Variants in NOS1AP observed in about 807,000 individuals in gnomAD.
NOS1AP encodes nitric oxide synthase 1 adaptor protein.
NOS1AP carries 21 observed loss-of-function variants against 56.2 expected under a neutral mutation model. The observed-to-expected ratio is 0.37, with a 90% CI of 0.26 to 0.54. The LOEUF (loss-of-function observed/expected upper bound fraction) is 0.54, where lower values mean the gene tolerates loss of function less well. Ranked by LOEUF, NOS1AP falls within the 20% of genes least tolerant of loss-of-function variation. The pLI is 0.84. For synonymous variants in NOS1AP, 270 were observed against 274.6 expected, an observed-to-expected ratio of 0.98 and a Z score of 0.17; for missense variants, 522 against 657.8, an observed-to-expected ratio of 0.79 and a Z score of 2.26.
At chr1:162,352,880 G>T (rs190309790) in intron 6 of NOS1AP, among the ~76,000 whole-genome samples, 2 of 152,132 alleles carry the variant, frequency 1.3e-5, no homozygotes, top group Non-Finnish European at 2.9e-5. Context: ...ATCCCTACTT[G>T]ACTGTTACAC....
intron 8 of NOS1AP, chr1:162,365,200 T>C: frequency 2.8e-6 from 4 of 1,447,738 alleles, no homozygotes; most frequent in Non-Finnish European, 3.6e-6. Context: ...GACACACAGC[T>C]TCGCAGTGCC....
At chr1:162,143,498 AT>A (rs1310457505) in intron 1 of NOS1AP, among the ~76,000 whole-genome samples, 21 of 152,260 alleles carry the variant, frequency 1.4e-4, no homozygotes, top group African/African-American at 4.6e-4. Flanking sequence ...GCATTATCTA[AT>A]TTTGATTTGC....
intron 7 of NOS1AP, among the ~76,000 whole-genome samples, chr1:162,356,438 G>C (rs1404410412): frequency 6.6e-6 from 1 of 152,180 alleles, no homozygotes; most frequent in African/African-American, 2.4e-5. Flanking sequence ...AGGGCAGGAG[G>C]TAGCCCCCTC....
At chr1:162,109,783 G>A (rs1180242592) in intron 1 of NOS1AP, among the ~76,000 whole-genome samples, 1 of 151,876 alleles carries the variant, frequency 6.6e-6, no homozygotes. Context: ...CTGGGTATCT[G>A]CAATTCATTC....
chr1:162,121,498 G>T (rs1648232408), intron 1 of NOS1AP, among the ~76,000 whole-genome samples: 1 of 152,114 alleles, frequency 6.6e-6, no homozygotes, highest in Non-Finnish European at 1.5e-5. Flanking sequence ...AAATGTCACA[G>T]CTGGTAGTGA....
intron 3 of NOS1AP, among the ~76,000 whole-genome samples, chr1:162,291,872 A>G (rs4657183): frequency 0.03 from 4,502 of 152,304 alleles, 107 homozygotes; most frequent in Non-Finnish European, 0.043. Flanking sequence ...TTCCATGTAT[A>G]TGTAATGATT....
chr1:162,135,744 C>T (rs948859528), intron 1 of NOS1AP, among the ~76,000 whole-genome samples: 1 of 152,164 alleles, frequency 6.6e-6, no homozygotes, highest in African/African-American at 2.4e-5. Context: ...AAGAGGCTGA[C>T]TTACTTTTGG....
At chr1:162,243,812 C>T (rs1653574727) in intron 2 of NOS1AP, among the ~76,000 whole-genome samples, 1 of 151,996 alleles carries the variant, frequency 6.6e-6, no homozygotes, top group African/African-American at 2.4e-5. Context: ...GACCATTTTT[C>T]AACCTCATTT....
rs77243595 is a variant in NOS1AP at position 162,211,580 on chromosome 1, T to C, written c.177+57104T>C. Among the ~76,000 whole-genome samples, 425 of 152,310 alleles carry C rather than the reference T, an allele frequency of 2.8e-3. 2 individuals are homozygous for C. Among genetic ancestry groups the C allele is most frequent in the African/African-American group, 9.8e-3 (408 of 41,558 alleles). On this transcript the variant is annotated intron_variant, in intron 2 of 9. Transcript: ENST00000361897. ...CACTTATTTATTGATGTTTCTTTTT[T>C]CAACTTCAGAAGCAATAACTCACCT...
intron 1 of NOS1AP, among the ~76,000 whole-genome samples, chr1:162,123,495 C>A (rs1250787566): frequency 6.6e-6 from 1 of 152,180 alleles, no homozygotes; most frequent in African/African-American, 2.4e-5. Context: ...TACCTGTGTC[C>A]TCTTTCACCC....
chr1:162,207,610 G>A lies in NOS1AP; in HGVS notation c.177+53134G>A, dbSNP rs558382302. On this transcript the variant is annotated intron_variant, in intron 2 of 9. Coordinates refer to ENST00000361897, the MANE Select transcript of NOS1AP (RefSeq NM_014697.3). ...GTTGTTAAGCAAACAATCTGGCAGG[G>A]AGCAAATGTTCATTAAATAGTAGTT... 1.1e-3 allele frequency among the ~76,000 whole-genome samples: 168 copies of A among 152,336 alleles called. 2 individuals are homozygous for A. The Middle Eastern group carries it at 0.02, about 19-fold the overall frequency.
rs1252053620 is a variant in NOS1AP, at chr1:162,343,940, G to A, written c.559G>A (p.Glu187Lys). Reference protein sequence around the residue: ...QQNADGQEDGESERNSNSSGD... With the variant: ...QQNADGQEDGKSERNSNSSGD... ...GAATGCAGATGGCCAGGAAGATGGA[G>A]AGAGCGAGAGGAACAGCAACAGCTC... The change falls in exon 6 of 10, where the codon GAG becomes AAG. Residue 187 changes from glutamate (E) to lysine (K), a missense_variant. By Grantham distance (56) the Glu-to-Lys change is moderately conservative. Coordinates refer to ENST00000361897, the MANE Select transcript of NOS1AP (RefSeq NM_014697.3). The A allele has an allele frequency of 1.2e-6, 2 of 1,614,182 alleles. No homozygotes were observed. The highest frequency in any genetic ancestry group is 1.7e-5 in the Admixed American group (1 of 60,024).
intron 6 of NOS1AP, among the ~76,000 whole-genome samples, chr1:162,352,206 T>C (rs546596372): frequency 1.3e-5 from 2 of 152,118 alleles, no homozygotes; most frequent in South Asian, 4.2e-4. Flanking sequence ...ATTACAGGCA[T>C]GTACCACCAT....
intron 8 of NOS1AP, chr1:162,365,156 G>T (rs1658036305): frequency 1.3e-5 from 19 of 1,418,932 alleles, no homozygotes; most frequent in Non-Finnish European, 1.7e-5. Flanking sequence ...CCTTGGTATG[G>T]GTACCTTAGT....
intron 2 of NOS1AP, among the ~76,000 whole-genome samples, chr1:162,253,465 G>A (rs1653933099): frequency 6.6e-6 from 1 of 152,126 alleles, no homozygotes; most frequent in South Asian, 2.1e-4. Flanking sequence ...CTTATACTTT[G>A]CCCAATTCAG....
At chr1:162,238,003 G>A (rs1360801973) in intron 2 of NOS1AP, among the ~76,000 whole-genome samples, 1 of 152,100 alleles carries the variant, frequency 6.6e-6, no homozygotes, top group East Asian at 1.9e-4. Context: ...TGCTGTCGTG[G>A]TGGTGTGGCC....
At chr1:162,209,717 C>T (rs1291657569) in intron 2 of NOS1AP, among the ~76,000 whole-genome samples, 1 of 152,160 alleles carries the variant, frequency 6.6e-6, no homozygotes, top group East Asian at 1.9e-4. Context: ...GAAGATCCCT[C>T]TCTTGCTAGC....
intron 1 of NOS1AP, among the ~76,000 whole-genome samples, chr1:162,121,290 G>A (rs1010451719): frequency 3.3e-5 from 5 of 151,714 alleles, no homozygotes; most frequent in African/African-American, 1.2e-4. Context: ...ACCACACCCG[G>A]CTAATTTCTG....
chr1:162,114,593 A>G (rs1238989866), intron 1 of NOS1AP, among the ~76,000 whole-genome samples: 2 of 152,170 alleles, frequency 1.3e-5, no homozygotes, highest in South Asian at 2.1e-4. Context: ...ACAAAATATC[A>G]TCACATCTGA....
Sources: gnomAD v4.1 joint callset for allele counts (sites outside exome capture counted in the v4.1 genomes callset) on GRCh38, gnomAD v4.1.1 for gene constraint, MANE v1.5 for transcripts, NCBI Gene and HGNC (gene_info 2026-07-23, HGNC 2026-07-21) for gene names.